KCNQ5: variants seen among roughly 807,000 people sequenced by gnomAD.
KCNQ5 encodes the protein potassium voltage-gated channel subfamily KQT member 5.
KCNQ5 carries 30 observed loss-of-function variants against 98.2 expected under a neutral mutation model. The ratio of observed to expected loss-of-function variants is 0.31; its 90% CI spans 0.23 to 0.41. KCNQ5 has a LOEUF of 0.41. Among genes scored for constraint, KCNQ5 ranks in the 10% least tolerant of loss-of-function variants. The pLI is 1.00. For missense variants in KCNQ5, 835 were observed against 1,182.5 expected, an observed-to-expected ratio of 0.71 and a Z score of 4.31; for synonymous variants, 458 against 449.4, an observed-to-expected ratio of 1.02 and a Z score of -0.24.
chr6:72,717,355 T>C (rs1381340473), intron 1 of KCNQ5, among the ~76,000 whole-genome samples: 1 of 152,206 alleles, frequency 6.6e-6, no homozygotes, highest in Non-Finnish European at 1.5e-5. Flanking sequence ...ATGGATATGC[T>C]AATTACTCTG....
intron 1 of KCNQ5, chr6:72,987,478 T>C (rs1768841490): frequency 1.5e-6 from 1 of 667,344 alleles, no homozygotes; most frequent in African/African-American, 1.8e-5. Flanking sequence ...CTGAAGTTTC[T>C]CAAACTTACT....
At position 72,622,204 on chromosome 6, in the gene KCNQ5, C is replaced by G. The variant is rs2098915503; in HGVS notation, c.15C>G (p.His5Gln). 1 of 1,227,388 alleles carries G rather than the reference C, an allele frequency of 8.1e-7. No individual in the cohort carries two copies. Among genetic ancestry groups the G allele is most frequent in the South Asian group, 4.0e-5 (1 of 24,898 alleles). 76.0% of individuals were successfully genotyped at this position (1,227,388 alleles called of 1,614,324 possible). A position where few individuals can be genotyped will look rare whatever the true frequency, so the allele number is the denominator to read the frequency against. Residue 5 changes from histidine (H) to glutamine (Q), a missense_variant, in exon 1 of 14, where the codon CAC (histidine) becomes CAG (glutamine). His to Gln is a conservative substitution (Grantham distance 24). Transcript: ENST00000370398. The surrounding 1 kb of genome is among the most constrained non-coding windows in gnomAD (Gnocchi z 6.0). ...GTGGTGATGCCATGCCCCGCCACCACGCGGGAGGAGAGGAGGGCGGCGCCG... is the reference window on the plus strand; with the variant it reads ...GTGGTGATGCCATGCCCCGCCACCAGGCGGGAGGAGAGGAGGGCGGCGCCG... Reference protein sequence around the residue: MPRHHAGGEEGGAAG... With the variant: MPRHQAGGEEGGAAG...
At chr6:72,711,396 T>TA (rs1561936364) in intron 1 of KCNQ5, among the ~76,000 whole-genome samples, 1 of 152,034 alleles carries the variant, frequency 6.6e-6, no homozygotes, top group Admixed American at 6.6e-5. Flanking sequence ...AGCAGACTGA[T>TA]AAAAAAGAGT....
At chr6:72,736,149 C>A (rs1469773611) in intron 1 of KCNQ5, among the ~76,000 whole-genome samples, 2 of 151,966 alleles carry the variant, frequency 1.3e-5, no homozygotes, top group African/African-American at 2.4e-5. Flanking sequence ...AGATTTGTGA[C>A]ACTGACAATT....
intron 1 of KCNQ5, among the ~76,000 whole-genome samples, chr6:72,995,676 G>C (rs1286594188): frequency 1.3e-5 from 2 of 152,244 alleles, no homozygotes; most frequent in African/African-American, 4.8e-5. Context: ...GGAAGATAAG[G>C]GTAAAACATT....
At chr6:72,913,380 G>C (rs891498828) in intron 1 of KCNQ5, among the ~76,000 whole-genome samples, 4 of 151,962 alleles carry the variant, frequency 2.6e-5, no homozygotes, top group African/African-American at 9.7e-5. Context: ...CCATGTCAAC[G>C]TAACTACTCC....
At chr6:72,660,523 C>A (rs1766459160) in intron 1 of KCNQ5, among the ~76,000 whole-genome samples, 1 of 152,116 alleles carries the variant, frequency 6.6e-6, no homozygotes, top group Non-Finnish European at 1.5e-5. Flanking sequence ...TCTTAGCATC[C>A]TGTTTCTTAA....
At chr6:72,965,027 G>A (rs551676602) in intron 1 of KCNQ5, among the ~76,000 whole-genome samples, 8 of 152,164 alleles carry the variant, frequency 5.3e-5, no homozygotes, top group African/African-American at 1.9e-4. Flanking sequence ...TTCCTAGGCT[G>A]GTCTCAAACT....
intron 2 of KCNQ5, among the ~76,000 whole-genome samples, chr6:73,017,519 AG>A (rs1342253635): frequency 7.2e-5 from 11 of 152,178 alleles, no homozygotes; most frequent in African/African-American, 2.7e-4. Flanking sequence ...TATACACACC[AG>A]GGGTTACAAC....
At chr6:72,779,615 A>C (rs1432999329) in intron 1 of KCNQ5, among the ~76,000 whole-genome samples, 3 of 152,056 alleles carry the variant, frequency 2.0e-5, no homozygotes, top group Admixed American at 1.3e-4. Flanking sequence ...AAAAATAAGA[A>C]GATTAAACTA....
In KCNQ5 at chr6:72,945,822, C is replaced by T. The variant is rs74980049; in HGVS notation, c.399-58086C>T. ...AACATATCCATTTTTCTTTATTCTG[C>T]AATACTGGTGTAGAATATTCTTAAG... On this transcript the variant is annotated intron_variant, in intron 1 of 13. Transcript: ENST00000370398. Among the ~76,000 whole-genome samples the T allele has an allele frequency of 1.9e-3, 289 of 152,160 alleles. 2 individuals carry two copies. Among genetic ancestry groups the T allele is most frequent in the African/African-American group, 6.9e-3 (285 of 41,498 alleles).
At chr6:73,174,507 C>T (rs1303383020) in intron 11 of KCNQ5, among the ~76,000 whole-genome samples, 1 of 152,160 alleles carries the variant, frequency 6.6e-6, no homozygotes, top group Non-Finnish European at 1.5e-5. Flanking sequence ...CTTTTCTTTC[C>T]CAGGCCAGAC....
intron 1 of KCNQ5, among the ~76,000 whole-genome samples, chr6:72,627,796 T>C (rs1463772304): frequency 6.6e-6 from 1 of 152,112 alleles, no homozygotes; most frequent in Non-Finnish European, 1.5e-5. Flanking sequence ...ACCATGTGTT[T>C]GCTCATGCTG....
intron 12 of KCNQ5, 76 bp downstream of exon 12, chr6:73,190,780 G>A (rs1253472955): frequency 1.1e-6 from 1 of 908,202 alleles, no homozygotes; most frequent in African/African-American, 1.7e-5. Flanking sequence ...CTTTAGTAGA[G>A]TAAACCTCTG....
chr6:73,016,359 G>A (rs1002773048), intron 2 of KCNQ5, among the ~76,000 whole-genome samples: 1 of 152,092 alleles, frequency 6.6e-6, no homozygotes, highest in Non-Finnish European at 1.5e-5. Context: ...GGGTAAGCCA[G>A]GGTTGGGAGA....
intron 11 of KCNQ5, among the ~76,000 whole-genome samples, chr6:73,183,712 C>T (rs572551370): frequency 1.1e-4 from 16 of 152,242 alleles, no homozygotes; most frequent in African/African-American, 3.9e-4. Context: ...TCATGAAAAT[C>T]GTGTACTGTC....
chr6:72,702,798 C>A (rs1768887801), intron 1 of KCNQ5, among the ~76,000 whole-genome samples: 1 of 152,188 alleles, frequency 6.6e-6, no homozygotes, highest in African/African-American at 2.4e-5. Flanking sequence ...TACAGGTACA[C>A]TTTTGGCAGA....
chr6:72,830,802 A>G (rs1011633782), intron 1 of KCNQ5, among the ~76,000 whole-genome samples: 1 of 152,200 alleles, frequency 6.6e-6, no homozygotes, highest in Non-Finnish European at 1.5e-5. Flanking sequence ...CAGGCAACCT[A>G]CAGAATAGGA....
intron 1 of KCNQ5, among the ~76,000 whole-genome samples, chr6:72,695,796 C>T (rs1243810339): frequency 3.3e-5 from 5 of 152,218 alleles, no homozygotes; most frequent in Non-Finnish European, 5.9e-5. Context: ...CGAGGTGGCT[C>T]ATGTATCTAA....
Sources: gnomAD v4.1 joint callset for allele counts (sites outside exome capture counted in the v4.1 genomes callset) on GRCh38, gnomAD v4.1.1 for gene constraint, Gnocchi (gnomAD v3.1) non-coding constraint, MANE v1.5 for transcripts, NCBI Gene and HGNC (gene_info 2026-07-23, HGNC 2026-07-21) for gene names.